The following PES1 variants were observed in gnomAD, a reference collection of about 807,000 sequenced individuals.
PES1 encodes pescadillo ribosomal biogenesis factor 1.
A neutral mutation model predicts 77.1 loss-of-function variants in PES1; 31 were observed. That is an observed-to-expected ratio of 0.40 (90% CI 0.30 to 0.54). The LOEUF (loss-of-function observed/expected upper bound fraction) is 0.54. Ranked by LOEUF, PES1 falls within the 20% of genes least tolerant of loss-of-function variation. PES1 has a pLI of 0.45. For synonymous variants in PES1, 282 were observed against 303.0 expected (o/e 0.93, Z 0.72); for missense variants, 658 against 771.7 (o/e 0.85, Z 1.75).
upstream of PES1, among the ~76,000 whole-genome samples, chr22:30,596,765 G>A (rs904073949): frequency 6.6e-6 from 1 of 152,224 alleles, no homozygotes; most frequent in African/African-American, 2.4e-5. Context: ...GGCCACGCTT[G>A]AGGAGCCCTT....
At chr22:30,584,759 G>C in intron 4 of PES1, 42 bp from the exon 5 acceptor site, 1 of 1,597,130 alleles carries the variant, frequency 6.3e-7, no homozygotes, top group Non-Finnish European at 8.6e-7. Flanking sequence ...TGTTCAGCGT[G>C]GGTGCCAAGG....
At chr22:30,593,068 A>G (rs1047559262), upstream of PES1, among the ~76,000 whole-genome samples, 1 of 152,146 alleles carries the variant, frequency 6.6e-6, no homozygotes, top group Non-Finnish European at 1.5e-5. Context: ...GACCTGGCCC[A>G]AGGACTTGGT....
rs143901236 is a variant in PES1 at position 30,582,681 on chromosome 22, G to T, written c.631-1037C>A. Among the ~76,000 whole-genome samples the T allele has an allele frequency of 2.9e-3, 444 of 152,256 alleles. 2 individuals carry two copies. Among genetic ancestry groups the T allele is most frequent in the African/African-American group, 9.9e-3 (410 of 41,536 alleles). On this transcript the variant is annotated intron_variant, in intron 6 of 14. Transcript: ENST00000354694. ...TGTGCCCATGACTCTTAGCTGTTCC[G>T]CTATTCTGCTGCCAGACAGTGACCT... is the stretch of plus-strand genomic sequence containing the variant.
intron 2 of PES1, among the ~76,000 whole-genome samples, chr22:30,603,326 T>C (rs2087386837): frequency 6.6e-6 from 1 of 152,170 alleles, no homozygotes. Flanking sequence ...TTTATGATTT[T>C]ATCTTTGCTT....
chr22:30,577,053 G>T lies in PES1; in HGVS notation c.1760C>A (p.Pro587Gln). The T allele has an allele frequency of 6.2e-7, 1 of 1,613,464 alleles. No individual in the cohort carries two copies. Among genetic ancestry groups the T allele is most frequent in the African/African-American group, 1.3e-5 (1 of 75,028 alleles). ...RSEKKAKKAR[P>Q]E ...GTGAGGGGCCGCAGGCACTCACTCC[G>T]GCCTTGCCTTCTTGGCCTTCTTCTC... The change falls in exon 15 of 15, where the codon CCG (proline) becomes CAG (glutamine). Residue 587 changes from proline (P) to glutamine (Q), a missense_variant. Pro to Gln is a moderately conservative substitution (Grantham distance 76). Transcript: ENST00000354694.
At chr22:30,597,847 C>T (rs570009890) in intron 2 of PES1, among the ~76,000 whole-genome samples, 32 of 148,352 alleles carry the variant, frequency 2.2e-4, no homozygotes, top group African/African-American at 4.0e-4. Flanking sequence ...GCTGTGGTAA[C>T]TCGCTCGGTT....
At chr22:30,603,496 C>T (rs1181774900) in intron 2 of PES1, among the ~76,000 whole-genome samples, 2 of 152,126 alleles carry the variant, frequency 1.3e-5, no homozygotes, top group East Asian at 1.9e-4. Flanking sequence ...ATTCTCCCGC[C>T]TCAACCTCCC....
chr22:30,597,871 G>C (rs545107132), intron 2 of PES1, among the ~76,000 whole-genome samples: 1 of 145,090 alleles, frequency 6.9e-6, no homozygotes, highest in Admixed American at 7.2e-5. Flanking sequence ...TTTCCACGCA[G>C]TTGAAGTTTT....
chr22:30,591,550 G>A (rs2087176286), intron 1 of PES1, among the ~76,000 whole-genome samples: 1 of 152,152 alleles, frequency 6.6e-6, no homozygotes, highest in Non-Finnish European at 1.5e-5. Context: ...GCCTGCTTTT[G>A]GAATGAAGCT....
Position 30,578,904 on chromosome 22 carries a change from A to G in PES1, c.1616T>C (p.Met539Thr). Residue 539 changes from methionine (M) to threonine (T), a missense_variant, in exon 14 of 15, where the codon ATG becomes ACG. Met to Thr is a moderately conservative substitution (Grantham distance 81). Coordinates refer to ENST00000354694, the MANE Select transcript of PES1 (RefSeq NM_014303.4). ...ESEAKRLAIM[M>T]MKKREKYLYQ... The stretch of plus-strand genomic sequence containing the variant: ...CAGGTACTTCTCCCGCTTCTTCATC[A>G]TCATAATGGCCAGGCGCTTGGCCTC... The G allele has an allele frequency of 6.2e-7, 1 of 1,613,522 alleles. No homozygotes were observed. The highest frequency in any genetic ancestry group is 8.5e-7 in the Non-Finnish European group (1 of 1,180,020).
At chr22:30,597,423 A>G (rs9609011) in intron 2 of PES1, among the ~76,000 whole-genome samples, 275 of 1,652 alleles carry the variant, frequency 0.17, no homozygotes, top group Middle Eastern at 0.33. Context: ...GTTCGTAAAC[A>G]CACCAATCAG....
intron 14 of PES1, among the ~76,000 whole-genome samples, chr22:30,578,324 C>T (rs1377852289): frequency 6.6e-6 from 1 of 152,122 alleles, no homozygotes; most frequent in Non-Finnish European, 1.5e-5. Flanking sequence ...GCATGACCTC[C>T]CAAACACGGG....
Position 30,591,808 on chromosome 22 carries a change from A to C in PES1, c.24+2T>G, listed in dbSNP as rs1291136325. ...GGAATCCCCACCGTCTTTCCCAATCACCTTCTTCTTCTCAAGGCCTCCCAT... is the reference window on the plus strand; with the variant it reads ...GGAATCCCCACCGTCTTTCCCAATCCCCTTCTTCTTCTCAAGGCCTCCCAT... On this transcript the variant is annotated splice_donor_variant, in intron 1 of 14. Transcript: ENST00000354694. LOFTEE classifies it high-confidence loss of function. 1 of 1,555,190 alleles carries C rather than the reference A, an allele frequency of 6.4e-7. No individual in the cohort carries two copies. The highest frequency in any genetic ancestry group is 8.7e-7 in the Non-Finnish European group (1 of 1,152,326).
At chr22:30,598,560 C>T (rs571081846) in intron 2 of PES1, among the ~76,000 whole-genome samples, 4 of 152,266 alleles carry the variant, frequency 2.6e-5, no homozygotes, top group Non-Finnish European at 5.9e-5. Context: ...TCCTGAGTAG[C>T]TGGGATTAAA....
In PES1 at chr22:30,576,942, G is replaced by A; in HGVS notation, c.*104C>T. On this transcript the variant is annotated 3_prime_UTR_variant, in exon 15 of 15. Transcript: ENST00000354694. Reference sequence around the variant, plus strand: ...GGGTCAGGGCTGGCTGGAGAAAGGAGGAGGAGAAGTGACTCTGGTCCATCA... The same window carrying A: ...GGGTCAGGGCTGGCTGGAGAAAGGAAGAGGAGAAGTGACTCTGGTCCATCA... The A allele has an allele frequency of 1.1e-6, 1 of 944,698 alleles. No individual in the cohort carries two copies. The highest frequency in any genetic ancestry group is 1.7e-6 in the Non-Finnish European group (1 of 580,228). The allele number at this position is 944,698 out of a possible 1,614,324, so 58.5% of individuals were successfully genotyped here. A position where few individuals can be genotyped will look rare whatever the true frequency, so the allele number is the denominator to read the frequency against.
At chr22:30,601,659 C>G (rs1333101185) in intron 2 of PES1, among the ~76,000 whole-genome samples, 1 of 151,962 alleles carries the variant, frequency 6.6e-6, no homozygotes, top group Non-Finnish European at 1.5e-5. Context: ...AGTTTTATCA[C>G]TGTTTTTATA....
At chr22:30,584,993 G>A (rs535597271) in intron 4 of PES1, among the ~76,000 whole-genome samples, 2 of 152,286 alleles carry the variant, frequency 1.3e-5, no homozygotes, top group Admixed American at 6.5e-5. Context: ...CTTGACCCAC[G>A]TGCGGATTTT....
upstream of PES1, chr22:30,592,507 A>G: frequency 1.3e-6 from 1 of 766,592 alleles, no homozygotes; most frequent in Non-Finnish European, 1.6e-6. Context: ...TTTAAAATGT[A>G]CATTCAAGGC....
chr22:30,581,682 A>G (rs1442898300), intron 6 of PES1, 38 bp from the exon 7 acceptor site: 3 of 1,426,574 alleles, frequency 2.1e-6, no homozygotes, highest in South Asian at 1.1e-5. Flanking sequence ...GTGTGGGTGC[A>G]GGGATGGGGG....
Sources: allele counts gnomAD v4.1 joint callset (sites outside exome capture counted in the v4.1 genomes callset), GRCh38; gene constraint gnomAD v4.1.1; transcripts MANE v1.5; gene names NCBI Gene and HGNC (gene_info 2026-07-23, HGNC 2026-07-21).